EIF4E: variants seen among roughly 807,000 people sequenced by gnomAD.
EIF4E encodes the protein eIF-4F 25 kDa subunit.
For missense variants in EIF4E, 113 were observed against 265.6 expected, an observed-to-expected ratio of 0.43 and a Z score of 3.99; for synonymous variants, 71 against 88.5, an observed-to-expected ratio of 0.80 and a Z score of 1.11.
chr4:98,912,559 CA>C (rs1725198921), intron 1 of EIF4E, among the ~76,000 whole-genome samples: 1 of 151,006 alleles, frequency 6.6e-6, no homozygotes, highest in South Asian at 2.1e-4. Context: ...ATAGCGAAAG[CA>C]AGACTCCATC....
intron 1 of EIF4E, among the ~76,000 whole-genome samples, chr4:98,902,317 G>A (rs1190354658): frequency 3.9e-5 from 6 of 152,180 alleles, no homozygotes; most frequent in Non-Finnish European, 7.3e-5. Context: ...TGATTCACCT[G>A]CCTTGGCCTC....
At chr4:98,881,938 T>A (rs949287354) in intron 6 of EIF4E, among the ~76,000 whole-genome samples, 1 of 152,146 alleles carries the variant, frequency 6.6e-6, no homozygotes, top group Non-Finnish European at 1.5e-5. Context: ...CCTTTAAATA[T>A]CACGAGGTCA....
intron 2 of EIF4E, among the ~76,000 whole-genome samples, chr4:98,893,208 G>A (rs925312114): frequency 3.9e-5 from 6 of 152,322 alleles, no homozygotes; most frequent in African/African-American, 1.4e-4. Flanking sequence ...ACGATCATCT[G>A]AGCCTACAAA....
intron 2 of EIF4E, among the ~76,000 whole-genome samples, chr4:98,901,120 T>C (rs138433458): frequency 6.6e-5 from 10 of 152,352 alleles, no homozygotes; most frequent in African/African-American, 2.2e-4. Context: ...TTGCTTCATT[T>C]GACCTTTTTA....
intron 2 of EIF4E, 61 bp from the exon 3 acceptor site, chr4:98,891,393 T>A: frequency 6.7e-7 from 1 of 1,491,056 alleles, no homozygotes; most frequent in Non-Finnish European, 9.2e-7. Context: ...AAAGCAACAT[T>A]ATTCACAAAA....
intron 2 of EIF4E, chr4:98,891,654 A>G (rs549246785): frequency 2.6e-4 from 75 of 288,658 alleles, no homozygotes; most frequent in Admixed American, 1.4e-3. Flanking sequence ...GCCACTAGCC[A>G]AAGAGAAGGG....
At chr4:98,919,018 T>C (rs533341784) in intron 1 of EIF4E, among the ~76,000 whole-genome samples, 25 of 151,982 alleles carry the variant, frequency 1.6e-4, no homozygotes, top group Non-Finnish European at 3.4e-4. Context: ...TTTAAAAAAC[T>C]AGTAAAAAGC....
intron 2 of EIF4E, among the ~76,000 whole-genome samples, chr4:98,899,484 A>G (rs1488028504): frequency 6.6e-6 from 1 of 152,214 alleles, no homozygotes; most frequent in East Asian, 1.9e-4. Context: ...GTCTAAGCCA[A>G]TAAAACAGAA....
At chr4:98,884,837 A>G (rs938909247) in intron 6 of EIF4E, 85 bp downstream of exon 6, 5 of 1,527,724 alleles carry the variant, frequency 3.3e-6, no homozygotes, top group Non-Finnish European at 3.6e-6. Flanking sequence ...TACAAACTGA[A>G]GTATTTCTAA....
chr4:98,884,744 C>CA (rs113460142), intron 6 of EIF4E, among the ~76,000 whole-genome samples, 178 bp downstream of exon 6: 10,252 of 151,570 alleles, frequency 0.068, 1,134 homozygotes, highest in African/African-American at 0.23. Context: ...TGAAAAAACC[C>CA]AAAAAAACAA....
At chr4:98,928,813 A>C in intron 1 of EIF4E, 1 of 1,504,426 alleles carries the variant, frequency 6.6e-7, no homozygotes, top group South Asian at 1.3e-5. Context: ...GCTACCCTCC[A>C]CCCTGTAGAC....
At chr4:98,907,873 T>C (rs1221573838) in intron 1 of EIF4E, among the ~76,000 whole-genome samples, 2 of 152,200 alleles carry the variant, frequency 1.3e-5, no homozygotes, top group Non-Finnish European at 2.9e-5. Flanking sequence ...GATCCATAAC[T>C]GTCGGCTACC....
intron 1 of EIF4E, among the ~76,000 whole-genome samples, chr4:98,922,854 T>C (rs1001734320): frequency 3.3e-5 from 5 of 150,182 alleles, no homozygotes; most frequent in Admixed American, 6.7e-5. Context: ...TTTTTTCTTT[T>C]TTTTTTTTTT....
chr4:98,906,824 A>C (rs1724892637), intron 1 of EIF4E, among the ~76,000 whole-genome samples: 1 of 152,204 alleles, frequency 6.6e-6, no homozygotes. Flanking sequence ...CCATGTTGGA[A>C]TCCCAGCTCT....
Position 98,879,333 on chromosome 4 carries a change from AAT to A in EIF4E, c.*1693_*1694del, listed in dbSNP as rs1467478822. ...TTTTTGTCAAGTTTATCAGTTTTAAAATGATTAAGTCATAATCACCATTCAAA... is the reference window on the plus strand; with the variant it reads ...TTTTTGTCAAGTTTATCAGTTTTAAAGATTAAGTCATAATCACCATTCAAA... On this transcript the variant is annotated 3_prime_UTR_variant, in exon 7 of 7. Transcript: ENST00000450253. 6.6e-5 allele frequency: 10 copies of A among 152,264 alleles called. No individual in the cohort carries two copies. The South Asian group carries it at 1.5e-3, about 22-fold the overall frequency. 9.4% of individuals were successfully genotyped at this position (152,264 alleles called of 1,614,324 possible).
At chr4:98,912,002 C>T (rs1400929431) in intron 1 of EIF4E, among the ~76,000 whole-genome samples, 2 of 151,940 alleles carry the variant, frequency 1.3e-5, no homozygotes, top group African/African-American at 4.8e-5. Context: ...CGCATATAAT[C>T]CCAGCACTTT....
intron 2 of EIF4E, among the ~76,000 whole-genome samples, chr4:98,897,302 G>A (rs978239182): frequency 2.1e-4 from 31 of 149,016 alleles, no homozygotes; most frequent in African/African-American, 7.8e-4. Context: ...CAGGCATGGT[G>A]GCTCACACCT....
chr4:98,894,079 TG>T, intron 2 of EIF4E, among the ~76,000 whole-genome samples: 1 of 152,244 alleles, frequency 6.6e-6, no homozygotes, highest in African/African-American at 2.4e-5. Context: ...ACTTTTTTTC[TG>T]GGCAGTAGGT....
chr4:98,883,707 AT>A (rs1393898893), intron 6 of EIF4E, among the ~76,000 whole-genome samples: 2 of 151,680 alleles, frequency 1.3e-5, no homozygotes, highest in African/African-American at 4.9e-5. Context: ...CTGGTGTCAA[AT>A]ATTACTAATA....
Sources: gnomAD v4.1 joint callset for allele counts (sites outside exome capture counted in the v4.1 genomes callset) on GRCh38, gnomAD v4.1.1 for gene constraint, MANE v1.5 for transcripts, NCBI Gene and HGNC (gene_info 2026-07-23, HGNC 2026-07-21) for gene names.